PCDHA1: variants seen among roughly 807,000 people sequenced by gnomAD.
PCDHA1 encodes the protein protocadherin alpha-1.
A neutral mutation model predicts 61.3 loss-of-function variants in PCDHA1; 42 were observed. That is an observed-to-expected ratio of 0.69 (90% confidence interval 0.54 to 0.89). PCDHA1 has a LOEUF of 0.89. PCDHA1 is among the 40% of genes least tolerant of loss of function. The pLI is 0.00. For synonymous variants in PCDHA1, 610 were observed against 553.8 expected (o/e 1.10, Z -1.43); for missense variants, 1,256 against 1,235.3 (o/e 1.02, Z -0.25).
At chr5:140,838,077 AGTG>A (rs1434205895) in intron 1 of PCDHA1, among the ~76,000 whole-genome samples, 27 of 80,700 alleles carry the variant, frequency 3.3e-4, no homozygotes, top group Middle Eastern at 7.4e-3. Flanking sequence ...ATATATATAT[AGTG>A]TGTGTGTGTG....
intron 1 of PCDHA1, chr5:140,878,061 AT>A (rs2057460632): frequency 2.4e-6 from 1 of 424,416 alleles, no homozygotes; most frequent in Non-Finnish European, 3.8e-6. Context: ...CACACTTAAT[AT>A]TTTTCTTTTT....
chr5:140,922,953 G>A (rs2081086867), intron 1 of PCDHA1, among the ~76,000 whole-genome samples: 1 of 152,168 alleles, frequency 6.6e-6, no homozygotes, highest in Non-Finnish European at 1.5e-5. Context: ...AATCCAGTTT[G>A]TCTTCAGCCA....
At chr5:140,880,958 G>T (rs1208694420) in intron 1 of PCDHA1, among the ~76,000 whole-genome samples, 1 of 152,010 alleles carries the variant, frequency 6.6e-6, no homozygotes, top group African/African-American at 2.4e-5. Flanking sequence ...GGATGATGAG[G>T]GTAAGAGAAT....
intron 1 of PCDHA1, among the ~76,000 whole-genome samples, chr5:140,821,352 AG>A (rs1766954073): frequency 6.6e-6 from 1 of 152,224 alleles, no homozygotes; most frequent in Non-Finnish European, 1.5e-5. Flanking sequence ...TCATGACTTT[AG>A]ATGTATTTTT....
In PCDHA1 at chr5:140,856,469, A is replaced by G. The variant is rs868928248; in HGVS notation, c.2394+67785A>G. 8.8e-6 allele frequency: 14 copies of G among 1,598,158 alleles called. 1 individual carries two copies. The highest frequency in any genetic ancestry group is 1.2e-5 in the Non-Finnish European group (14 of 1,167,896). ...CTCCGTAACAGAACAAAAGCTCTCA[A>G]TACCTGAATCCAGACTGCTTGACTC... is the stretch of plus-strand genomic sequence containing the variant. On this transcript the variant is annotated intron_variant, in intron 1 of 3. Transcript: ENST00000504120.
chr5:140,786,604 A>G lies in PCDHA1; in HGVS notation c.314A>G (p.His105Arg), dbSNP rs1761320478. Reference protein sequence around the residue: ...LCQWSAECSIHLELIADRPLQ... With the variant: ...LCQWSAECSIRLELIADRPLQ... ...CAGTGGAGCGCGGAGTGCAGCATCC[A>G]CCTGGAGTTGATCGCCGACAGGCCG... is the stretch of plus-strand genomic sequence containing the variant. The change falls in exon 1 of 4, where the codon CAC (histidine) becomes CGC (arginine). Residue 105 changes from histidine to arginine, a missense_variant. By Grantham distance (29) the His-to-Arg change is conservative. Coordinates refer to ENST00000504120, the MANE Select transcript of PCDHA1 (RefSeq NM_018900.4). 6.2e-7 allele frequency: 1 copy of G among 1,614,120 alleles called. No individual in the cohort carries two copies. The highest frequency in any genetic ancestry group is 1.1e-5 in the South Asian group (1 of 91,088).
chr5:140,883,403 T>G, intron 1 of PCDHA1: 1 of 1,614,168 alleles, frequency 6.2e-7, no homozygotes, highest in Non-Finnish European at 8.5e-7. Context: ...CGATCGTGAC[T>G]CTGGCTCAAA....
chr5:140,941,202 C>CTTTCTCTCTTT (rs1554213921), intron 1 of PCDHA1, among the ~76,000 whole-genome samples: 1 of 122,742 alleles, frequency 8.1e-6, no homozygotes, highest in African/African-American at 3.0e-5. Flanking sequence ...TTTCTTTCTT[C>CTTTCTCTCTTT]CTTTCTTTCT....
At chr5:140,927,940 C>T (rs1247043975) in intron 1 of PCDHA1, 1 of 1,614,108 alleles carries the variant, frequency 6.2e-7, no homozygotes, top group African/African-American at 1.3e-5. Flanking sequence ...GAACCCAGTA[C>T]CTGAGGACGC....
In PCDHA1 at chr5:140,796,471, G is replaced by A. The variant is rs147855137; in HGVS notation, c.2394+7787G>A. The A allele has an allele frequency of 4.8e-4, 777 of 1,612,160 alleles. 6 individuals carry two copies. The African/African-American group carries it at 9.5e-3, about 20-fold the overall frequency. ...GGTGGAGCGGCGGGTGGGCGAGCGC[G>A]CGTTGTCGAGCTACGTTTCGGTGCA... On this transcript the variant is annotated intron_variant, in intron 1 of 3. Coordinates refer to ENST00000504120, the MANE Select transcript of PCDHA1 (RefSeq NM_018900.4).
chr5:140,972,478 AC>A (rs2096537655), intron 1 of PCDHA1, among the ~76,000 whole-genome samples: 2 of 151,866 alleles, frequency 1.3e-5, no homozygotes, highest in Admixed American at 1.3e-4. Flanking sequence ...TCAGCATTTA[AC>A]CCCAGACTCT....
chr5:140,905,342 TGTAA>T (rs2071759657), intron 1 of PCDHA1, among the ~76,000 whole-genome samples: 1 of 152,234 alleles, frequency 6.6e-6, no homozygotes, highest in Non-Finnish European at 1.5e-5. Context: ...ATCAGTTGGC[TGTAA>T]GTATTTGACT....
At chr5:140,873,816 A>G (rs1419963733) in intron 1 of PCDHA1, among the ~76,000 whole-genome samples, 3 of 151,528 alleles carry the variant, frequency 2.0e-5, no homozygotes, top group East Asian at 3.9e-4. Context: ...ATGCACCACC[A>G]CTCCTGGCTA....
intron 2 of PCDHA1, among the ~76,000 whole-genome samples, chr5:140,981,682 C>T (rs2096944253): frequency 6.6e-6 from 1 of 151,668 alleles, no homozygotes; most frequent in South Asian, 2.1e-4. Flanking sequence ...TCCTTCCTCC[C>T]TTCCATCATT....
At chr5:140,835,577 G>T (rs1554135077) in intron 1 of PCDHA1, 1 of 1,613,890 alleles carries the variant, frequency 6.2e-7, no homozygotes, top group Non-Finnish European at 8.5e-7. Context: ...TCAAGTTGGT[G>T]TCCACCTTCA....
At chr5:140,825,100 A>G (rs2150072551) in intron 1 of PCDHA1, 1 of 151,878 alleles carries the variant, frequency 6.6e-6, no homozygotes, top group South Asian at 2.1e-4. Flanking sequence ...GATTTTTTTC[A>G]TATACAAATA....
intron 1 of PCDHA1, chr5:140,968,917 T>G: frequency 6.2e-7 from 1 of 1,614,216 alleles, no homozygotes; most frequent in Non-Finnish European, 8.5e-7. Flanking sequence ...CAGTGTCTTT[T>G]ATATTTCTTT....
chr5:140,934,511 T>A (rs999288213), intron 1 of PCDHA1, among the ~76,000 whole-genome samples: 1 of 152,210 alleles, frequency 6.6e-6, no homozygotes, highest in African/African-American at 2.4e-5. Context: ...AAAGGGTCCA[T>A]AGACCACACT....
rs782133260 is a variant in PCDHA1 at position 140,856,504 on chromosome 5, A to G, written c.2394+67820A>G. 3.8e-6 allele frequency: 6 copies of G among 1,598,348 alleles called. 1 individual carries two copies. The highest frequency in any genetic ancestry group is 8.6e-7 in the Non-Finnish European group (1 of 1,167,852). ...CCAGACTGCTTGACTCTCGATTTCC[A>G]CTAGAAGGCGCATCTGATGCGGATG... On this transcript the variant is annotated intron_variant, in intron 1 of 3. Transcript: ENST00000504120.
Sources: allele counts gnomAD v4.1 joint callset (sites outside exome capture counted in the v4.1 genomes callset), GRCh38; gene constraint gnomAD v4.1.1; transcripts MANE v1.5; gene names NCBI Gene and HGNC (gene_info 2026-07-23, HGNC 2026-07-21).